DPYD: variants seen among roughly 807,000 people sequenced by gnomAD.
The protein encoded by DPYD is dihydropyrimidine dehydrogenase.
A neutral mutation model predicts 116.2 loss-of-function variants in DPYD; 109 were observed. That is an observed-to-expected ratio of 0.94 (90% confidence interval 0.80 to 1.10). The LOEUF (loss-of-function observed/expected upper bound fraction) is 1.10. Among genes scored for constraint, DPYD ranks in the 50% least tolerant of loss-of-function variants. The pLI, the probability that DPYD is intolerant of heterozygous loss-of-function variation, is 0.00. For missense variants in DPYD, 1,302 were observed against 1,254.5 expected (o/e 1.04, Z -0.57); for synonymous variants, 440 against 432.0 (o/e 1.02, Z -0.23).
At chr1:97,526,452 G>A (rs1649105805) in intron 12 of DPYD, among the ~76,000 whole-genome samples, 1 of 152,078 alleles carries the variant, frequency 6.6e-6, no homozygotes, top group Admixed American at 6.5e-5. Flanking sequence ...TCCAGGCCAG[G>A]TACCTTCCTA....
intron 19 of DPYD, among the ~76,000 whole-genome samples, chr1:97,195,689 T>TGC (rs1471864986): frequency 1.0e-4 from 11 of 105,586 alleles, no homozygotes; most frequent in African/African-American, 2.3e-4. Context: ...TATATATATA[T>TGC]GCCTAGGAGT....
At chr1:97,409,383 G>A (rs1673852410) in intron 14 of DPYD, among the ~76,000 whole-genome samples, 1 of 152,136 alleles carries the variant, frequency 6.6e-6, no homozygotes, top group Non-Finnish European at 1.5e-5. Context: ...AGCTCCTAGA[G>A]AACATGGGCT....
chr1:97,127,170 T>C (rs989721867), intron 20 of DPYD, among the ~76,000 whole-genome samples: 4 of 152,138 alleles, frequency 2.6e-5, no homozygotes, highest in African/African-American at 9.7e-5. Flanking sequence ...ATGCAAAGTC[T>C]GGACATTACA....
chr1:97,637,094 A>G (rs1240102929), intron 8 of DPYD, among the ~76,000 whole-genome samples: 1 of 152,206 alleles, frequency 6.6e-6, no homozygotes, highest in Non-Finnish European at 1.5e-5. Flanking sequence ...TGAGGCTGCC[A>G]TAAATTCCAT....
chr1:97,885,738 CA>C (rs1558032130), intron 1 of DPYD, among the ~76,000 whole-genome samples: 2 of 152,046 alleles, frequency 1.3e-5, no homozygotes, highest in African/African-American at 4.8e-5. Flanking sequence ...AGTTAATATG[CA>C]AAAAGAATTG....
At chr1:97,321,471 A>G in intron 16 of DPYD, among the ~76,000 whole-genome samples, 1 of 92,766 alleles carries the variant, frequency 1.1e-5, no homozygotes, top group African/African-American at 3.7e-5. Context: ...CAGCCAAAAA[A>G]CACATGAAAA....
At chr1:97,801,915 C>T (rs1298129190) in intron 3 of DPYD, among the ~76,000 whole-genome samples, 2 of 151,674 alleles carry the variant, frequency 1.3e-5, no homozygotes, top group African/African-American at 4.8e-5. Flanking sequence ...TATTATTTGA[C>T]TAGTAGTGTC....
At chr1:97,501,399 T>A (rs1337793014) in intron 13 of DPYD, among the ~76,000 whole-genome samples, 29 of 150,872 alleles carry the variant, frequency 1.9e-4, no homozygotes, top group Admixed American at 1.9e-3. Context: ...AGAGATCTAC[T>A]CAATTAAATC....
intron 14 of DPYD, among the ~76,000 whole-genome samples, chr1:97,447,511 G>A (rs1197940116): frequency 6.6e-6 from 1 of 152,128 alleles, no homozygotes; most frequent in Non-Finnish European, 1.5e-5. Context: ...GAGTAAAAAT[G>A]TTAGAAATTA....
chr1:97,249,165 C>G (rs1214558928), intron 18 of DPYD, among the ~76,000 whole-genome samples: 1 of 152,098 alleles, frequency 6.6e-6, no homozygotes, highest in East Asian at 1.9e-4. Flanking sequence ...GAAAATAACT[C>G]AAGGACACGA....
rs141931909 is a variant in DPYD at position 97,454,189 on chromosome 1, G to T, written c.1741-3966C>A. ...AAATTGTCATGTTTGCTATTGTTTT[G>T]CCAAAAACATTCTCCACTGAATTGA... On this transcript the variant is annotated intron_variant, in intron 13 of 22. Transcript: ENST00000370192. Among the ~76,000 whole-genome samples, 1,119 of 151,722 alleles carry T rather than the reference G, an allele frequency of 7.4e-3. 6 individuals are homozygous for T. The highest frequency in any genetic ancestry group is 0.013 in the Non-Finnish European group (848 of 67,764).
intron 21 of DPYD, among the ~76,000 whole-genome samples, chr1:97,086,123 G>A (rs564435488): frequency 2.0e-5 from 3 of 152,138 alleles, no homozygotes; most frequent in Admixed American, 6.5e-5. Context: ...GCGTGATCTC[G>A]GCTCACTGCA....
chr1:97,785,681 CTTTTTTTTTTTT>C (rs35229030), intron 3 of DPYD, among the ~76,000 whole-genome samples: 4 of 62,548 alleles, frequency 6.4e-5, no homozygotes, highest in Non-Finnish European at 1.2e-4. Context: ...GCCACTGACT[CTTTTTTTTTTTT>C]TTTTTTTTTT....
chr1:97,173,155 T>C (rs1274619492), intron 20 of DPYD, among the ~76,000 whole-genome samples: 1 of 151,772 alleles, frequency 6.6e-6, no homozygotes, highest in Non-Finnish European at 1.5e-5. Context: ...TATACACATA[T>C]GTACGTATAT....
intron 16 of DPYD, chr1:97,322,616 T>C (rs1432069583): frequency 1.3e-5 from 2 of 152,022 alleles, no homozygotes; most frequent in African/African-American, 2.4e-5. Context: ...TCCTTGAATA[T>C]ATTTATTACA....
chr1:97,822,200 A>C (rs531776632), intron 3 of DPYD, among the ~76,000 whole-genome samples: 131 of 150,874 alleles, frequency 8.7e-4, no homozygotes, highest in African/African-American at 3.1e-3. Context: ...CAGTTGAGAT[A>C]ATATTCTACA....
At chr1:97,267,791 C>T (rs1664330764) in intron 18 of DPYD, among the ~76,000 whole-genome samples, 2 of 152,076 alleles carry the variant, frequency 1.3e-5, no homozygotes, top group African/African-American at 4.8e-5. Flanking sequence ...CAAACCACAG[C>T]ATTCCACCAT....
chr1:97,526,712 G>A (rs1043922283), intron 12 of DPYD, among the ~76,000 whole-genome samples: 2 of 152,048 alleles, frequency 1.3e-5, no homozygotes, highest in African/African-American at 2.4e-5. Flanking sequence ...GTTTAAGTTC[G>A]GAAGATAGTC....
At chr1:97,549,533 T>C in intron 12 of DPYD, 27 bp downstream of exon 12, 1 of 1,612,444 alleles carries the variant, frequency 6.2e-7, no homozygotes. Context: ...GGAAAAGAAT[T>C]AAGTGGAAAT....
Sources: gnomAD v4.1 joint callset for allele counts (sites outside exome capture counted in the v4.1 genomes callset) on GRCh38, gnomAD v4.1.1 for gene constraint, MANE v1.5 for transcripts, NCBI Gene and HGNC (gene_info 2026-07-23, HGNC 2026-07-21) for gene names.